DACH1: variants seen among roughly 807,000 people sequenced by gnomAD.
DACH1 encodes dachshund family transcription factor 1, also known as dachshund homolog 1.
In DACH1, 12 loss-of-function variants were observed where a neutral mutation model predicts 54.2. The ratio of observed to expected loss-of-function variants is 0.22; its 90% CI spans 0.14 to 0.36. DACH1 has a LOEUF of 0.36. Ranked by LOEUF, DACH1 falls within the 10% of genes least tolerant of loss-of-function variation. The pLI is 1.00. For synonymous variants in DACH1, 386 were observed against 366.2 expected (o/e 1.05, Z -0.62); for missense variants, 805 against 929.8 (o/e 0.87, Z 1.75).
Position 71,866,293 on chromosome 13 carries a change from A to ACTGCTGCTGCTGCTACTACTGCTGCTG in DACH1, c.450_476dup (p.Ser155_Ser163dup). The ACTGCTGCTGCTGCTACTACTGCTGCTG allele has an allele frequency of 6.4e-7, 1 of 1,566,780 alleles. No homozygotes were observed. The highest frequency in any genetic ancestry group is 8.7e-7 in the Non-Finnish European group (1 of 1,155,540). On this transcript the variant is annotated inframe_insertion, in exon 1 of 11. Transcript: ENST00000613252. Reference sequence around the variant, plus strand: ...GGAGGGGGCCGCAGCTGCTGCTGCTACTGCTGCTGCTGCTACTACTGCTGC... The same window carrying ACTGCTGCTGCTGCTACTACTGCTGCTG: ...GGAGGGGGCCGCAGCTGCTGCTGCTACTGCTGCTGCTGCTACTACTGCTGCTGCTGCTGCTGCTGCTACTACTGCTGC...
intron 3 of DACH1, among the ~76,000 whole-genome samples, chr13:71,579,041 T>C (rs1885705772): frequency 1.3e-5 from 2 of 152,156 alleles, no homozygotes; most frequent in South Asian, 2.1e-4. Flanking sequence ...TCTTTAGTTA[T>C]CTATCACTAA....
At chr13:71,607,188 G>A (rs1429696681) in intron 3 of DACH1, among the ~76,000 whole-genome samples, 1 of 151,786 alleles carries the variant, frequency 6.6e-6, no homozygotes, top group Non-Finnish European at 1.5e-5. Flanking sequence ...ATTTATTCAG[G>A]CTACATTTTA....
At chr13:71,836,260 CA>C (rs199581504) in intron 1 of DACH1, among the ~76,000 whole-genome samples, 22 of 149,028 alleles carry the variant, frequency 1.5e-4, no homozygotes, top group South Asian at 4.2e-4. Flanking sequence ...CTACATTTTC[CA>C]AAAAAAAAGA....
chr13:71,833,727 G>A (rs1005318976), intron 1 of DACH1, among the ~76,000 whole-genome samples: 6 of 151,894 alleles, frequency 4.0e-5, no homozygotes, highest in South Asian at 2.1e-4. Flanking sequence ...AAAGACCTTC[G>A]ACAGTGTCAT....
At chr13:71,840,287 G>T (rs1011497598) in intron 1 of DACH1, among the ~76,000 whole-genome samples, 2 of 151,940 alleles carry the variant, frequency 1.3e-5, no homozygotes, top group African/African-American at 4.8e-5. Context: ...TAAAATCTCT[G>T]GTTTAAAACG....
intron 10 of DACH1, among the ~76,000 whole-genome samples, chr13:71,469,773 T>C (rs1247962660): frequency 6.6e-6 from 1 of 152,218 alleles, no homozygotes; most frequent in East Asian, 1.9e-4. Context: ...TTCAAATGTT[T>C]AGCAAACAGA....
chr13:71,445,410 T>G (rs552275479), intron 10 of DACH1, among the ~76,000 whole-genome samples: 1 of 152,342 alleles, frequency 6.6e-6, no homozygotes, highest in African/African-American at 2.4e-5. Context: ...CTGCTGTAAT[T>G]CTACTTTTAA....
chr13:71,451,210 G>A (rs1875021654), intron 10 of DACH1, among the ~76,000 whole-genome samples: 1 of 152,104 alleles, frequency 6.6e-6, no homozygotes, highest in South Asian at 2.1e-4. Flanking sequence ...CCCATATATT[G>A]CATTGCTAAA....
intron 3 of DACH1, among the ~76,000 whole-genome samples, chr13:71,593,948 TATG>T (rs1161342093): frequency 1.3e-5 from 2 of 151,518 alleles, no homozygotes; most frequent in Non-Finnish European, 3.0e-5. Context: ...ATTAGTTGAT[TATG>T]ATAAGTATAG....
At chr13:71,769,276 T>C (rs1201207146) in intron 1 of DACH1, among the ~76,000 whole-genome samples, 1 of 151,650 alleles carries the variant, frequency 6.6e-6, no homozygotes, top group South Asian at 2.1e-4. Flanking sequence ...CATTAAAGAT[T>C]CCATATAAAA....
At chr13:71,825,793 T>C (rs548947519) in intron 1 of DACH1, among the ~76,000 whole-genome samples, 3 of 152,136 alleles carry the variant, frequency 2.0e-5, no homozygotes, top group Non-Finnish European at 4.4e-5. Context: ...TAGACATATA[T>C]TTATTCAATA....
intron 6 of DACH1, among the ~76,000 whole-genome samples, chr13:71,552,838 TATATAGAGAGAGAG>T (rs1883954394): frequency 4.6e-5 from 1 of 21,630 alleles, no homozygotes; most frequent in African/African-American, 2.0e-4. Flanking sequence ...TATATATATA[TATATAGAGAGAGAG>T]AGAGAGAGAG....
chr13:71,541,858 T>G (rs952181036), intron 6 of DACH1, among the ~76,000 whole-genome samples: 2 of 151,702 alleles, frequency 1.3e-5, no homozygotes, highest in Admixed American at 6.6e-5. Context: ...ACATTTAACA[T>G]CCTTTAGCTT....
chr13:71,494,952 TA>T (rs1223016570), intron 6 of DACH1, among the ~76,000 whole-genome samples: 3 of 152,054 alleles, frequency 2.0e-5, no homozygotes, highest in Admixed American at 2.0e-4. Context: ...CAATGTTGTT[TA>T]AAAAAATAAT....
chr13:71,455,835 A>G (rs1326959733), intron 10 of DACH1, among the ~76,000 whole-genome samples: 1 of 152,186 alleles, frequency 6.6e-6, no homozygotes, highest in Non-Finnish European at 1.5e-5. Context: ...TAAATCTGGT[A>G]TCTTACCATT....
intron 2 of DACH1, among the ~76,000 whole-genome samples, chr13:71,681,049 C>T (rs541144475): frequency 3.3e-4 from 50 of 151,816 alleles, no homozygotes; most frequent in Admixed American, 1.8e-3. Flanking sequence ...TATAAATATT[C>T]TATATTATAT....
In DACH1 at chr13:71,746,689, C is replaced by T. The variant is rs117626287; in HGVS notation, c.849-64779G>A. 2.3e-3 allele frequency among the ~76,000 whole-genome samples: 353 copies of T among 152,178 alleles called. 1 individual carries two copies. The highest frequency in any genetic ancestry group is 3.7e-3 in the Non-Finnish European group (249 of 68,014). ...AAACCTCCACAGTATCTGCAGGCTACCTGTGTTATCTAATCAAGCTTATGA... is the reference window on the plus strand; with the variant it reads ...AAACCTCCACAGTATCTGCAGGCTATCTGTGTTATCTAATCAAGCTTATGA... On this transcript the variant is annotated intron_variant, in intron 1 of 10. Coordinates refer to ENST00000613252, the MANE Select transcript of DACH1 (RefSeq NM_080759.6).
intron 2 of DACH1, among the ~76,000 whole-genome samples, chr13:71,641,828 T>C (rs1877923334): frequency 6.6e-6 from 1 of 152,194 alleles, no homozygotes; most frequent in African/African-American, 2.4e-5. Context: ...CACACCTTAC[T>C]GTTCAAAAAA....
rs1191541657 is a variant in DACH1, at chr13:71,763,120, T to C, written c.849-81210A>G. Among the ~76,000 whole-genome samples, 3 of 152,242 alleles carry C rather than the reference T, an allele frequency of 2.0e-5. No individual in the cohort carries two copies. The East Asian group carries it at 5.8e-4, about 29-fold the overall frequency. ...TGTATATATCACCTTATTTAGTTGC[T>C]AGTTTTGTTTGAAGCATTTTAACAT... On this transcript the variant is annotated intron_variant, in intron 1 of 10. Transcript: ENST00000613252.
Sources: allele counts gnomAD v4.1 joint callset (sites outside exome capture counted in the v4.1 genomes callset), GRCh38; gene constraint gnomAD v4.1.1; transcripts MANE v1.5; gene names NCBI Gene and HGNC (gene_info 2026-07-23, HGNC 2026-07-21).